SMIM35: variants seen among roughly 807,000 people sequenced by gnomAD.
SMIM35 encodes the protein TMPRSS4 antisense RNA 1 (non-protein coding).
intron 1 of SMIM35, among the ~76,000 whole-genome samples, chr11:118,045,624 T>C (rs1399241459): frequency 1.3e-5 from 2 of 152,226 alleles, no homozygotes; most frequent in Non-Finnish European, 2.9e-5. Flanking sequence ...TGATGAATAA[T>C]ATTGCTGAAG....
At chr11:118,029,631 C>T (rs1390854334) in intron 1 of SMIM35, 2 of 457,148 alleles carry the variant, frequency 4.4e-6, no homozygotes, top group Non-Finnish European at 8.8e-6. Context: ...CCCAGTGTTT[C>T]TTTTTCACCC....
At chr11:118,082,973 G>A (rs7937420) in intron 1 of SMIM35, among the ~76,000 whole-genome samples, 38,185 of 152,030 alleles carry the variant, frequency 0.25, 5,081 homozygotes, top group Non-Finnish European at 0.31. Flanking sequence ...ATCCTCGTAT[G>A]GGACACAGAG....
intron 1 of SMIM35, among the ~76,000 whole-genome samples, chr11:118,070,495 A>G (rs1253667660): frequency 6.6e-6 from 1 of 152,184 alleles, no homozygotes; most frequent in Non-Finnish European, 1.5e-5. Flanking sequence ...GATTCTTATT[A>G]AAAACACTGT....
intron 1 of SMIM35, among the ~76,000 whole-genome samples, chr11:118,056,847 A>G (rs759956906): frequency 6.6e-6 from 1 of 152,212 alleles, no homozygotes; most frequent in Non-Finnish European, 1.5e-5. Context: ...AACGGAGGTC[A>G]TCAGTGGCCT....
chr11:118,082,157 A>C lies in SMIM35; in HGVS notation c.7+4594T>G, dbSNP rs186752538. Among the ~76,000 whole-genome samples, 25 of 152,292 alleles carry C rather than the reference A, an allele frequency of 1.6e-4. 1 individual carries two copies. The East Asian group carries it at 4.6e-3, about 28-fold the overall frequency. ...GCGGCAGTATCACATCTCTATCCAAATGCAACAAGGGCCCCATGTTGTGCT... is the reference window on the plus strand; with the variant it reads ...GCGGCAGTATCACATCTCTATCCAACTGCAACAAGGGCCCCATGTTGTGCT... On this transcript the variant is annotated intron_variant, in intron 1 of 4. Transcript: ENST00000689828.
chr11:118,026,636 G>A (rs1418836647), intron 1 of SMIM35, among the ~76,000 whole-genome samples: 2 of 152,046 alleles, frequency 1.3e-5, no homozygotes, highest in Non-Finnish European at 2.9e-5. Flanking sequence ...ATTTTACAGA[G>A]GGAAATAATG....
At chr11:118,012,206 C>T (rs2058153942) in intron 4 of SMIM35, among the ~76,000 whole-genome samples, 1 of 152,218 alleles carries the variant, frequency 6.6e-6, no homozygotes, top group African/African-American at 2.4e-5. Flanking sequence ...CAGTGACAGG[C>T]TCCCTTCTCT....
chr11:118,060,861 C>T (rs669316), intron 1 of SMIM35, among the ~76,000 whole-genome samples: 23,284 of 152,204 alleles, frequency 0.15, 1,968 homozygotes, highest in East Asian at 0.3. Context: ...TTTGGATCCC[C>T]AGGCAGACAC....
intron 1 of SMIM35, among the ~76,000 whole-genome samples, chr11:118,079,269 G>A (rs1475472294): frequency 6.6e-6 from 1 of 152,054 alleles, no homozygotes; most frequent in Non-Finnish European, 1.5e-5. Flanking sequence ...GGGGAGGATG[G>A]GATCTCCACA....
intron 1 of SMIM35, among the ~76,000 whole-genome samples, chr11:118,036,868 G>A (rs535799374): frequency 1.3e-3 from 194 of 152,322 alleles, no homozygotes; most frequent in African/African-American, 4.5e-3. Context: ...TTGCTGGCTC[G>A]AATGCTTGGG....
At chr11:118,076,165 G>A (rs1944679595) in intron 1 of SMIM35, among the ~76,000 whole-genome samples, 4 of 152,210 alleles carry the variant, frequency 2.6e-5, no homozygotes, top group Admixed American at 2.0e-4. Flanking sequence ...GCAGCTACTT[G>A]GGAGGCTGAG....
At chr11:118,080,311 G>A (rs949553348) in intron 1 of SMIM35, among the ~76,000 whole-genome samples, 1 of 152,198 alleles carries the variant, frequency 6.6e-6, no homozygotes, top group Non-Finnish European at 1.5e-5. Flanking sequence ...TCCAGACACA[G>A]GGGACTGCAT....
At chr11:118,028,887 G>A (rs1281967652) in intron 1 of SMIM35, 2 of 442,018 alleles carry the variant, frequency 4.5e-6, no homozygotes, top group East Asian at 7.2e-5. Flanking sequence ...GGGAGAAGAA[G>A]GAGGAGGGGA....
At chr11:118,085,223 CTTCT>C (rs1393623813) in intron 1 of SMIM35, among the ~76,000 whole-genome samples, 7 of 118,030 alleles carry the variant, frequency 5.9e-5, no homozygotes, top group African/African-American at 8.5e-5. Flanking sequence ...AGATCTTCTT[CTTCT>C]TTTTTTTTTT....
At chr11:118,043,129 C>T (rs753999211) in intron 1 of SMIM35, among the ~76,000 whole-genome samples, 5 of 152,158 alleles carry the variant, frequency 3.3e-5, no homozygotes, top group Non-Finnish European at 5.9e-5. Flanking sequence ...CAACATTGTA[C>T]TGGAGGTTCT....
chr11:118,035,064 G>T (rs1458443443), intron 1 of SMIM35, among the ~76,000 whole-genome samples: 7 of 151,546 alleles, frequency 4.6e-5, no homozygotes, highest in Non-Finnish European at 8.8e-5. Flanking sequence ...CGATTCTGGT[G>T]CCTCCGCCTC....
At chr11:118,082,065 G>C (rs1001033491) in intron 1 of SMIM35, among the ~76,000 whole-genome samples, 1 of 152,178 alleles carries the variant, frequency 6.6e-6, no homozygotes. Flanking sequence ...GGTCTTGCCA[G>C]GCTGCTGGGA....
intron 1 of SMIM35, among the ~76,000 whole-genome samples, chr11:118,060,112 C>A (rs1023918626): frequency 1.1e-4 from 16 of 152,190 alleles, no homozygotes; most frequent in African/African-American, 3.9e-4. Context: ...AGCCCAGTCC[C>A]TTTATCAAAA....
intron 1 of SMIM35, among the ~76,000 whole-genome samples, chr11:118,085,226 C>CA (rs763406156): frequency 1.4e-5 from 2 of 141,856 alleles, no homozygotes; most frequent in Non-Finnish European, 3.1e-5. Flanking sequence ...TCTTCTTCTT[C>CA]TTTTTTTTTT....
Sources: allele counts gnomAD v4.1 joint callset (sites outside exome capture counted in the v4.1 genomes callset), GRCh38; gene constraint gnomAD v4.1.1; transcripts MANE v1.5; gene names NCBI Gene and HGNC (gene_info 2026-07-23, HGNC 2026-07-21).